The following DNAH8 variants were observed in gnomAD, a reference collection of about 807,000 sequenced individuals.
The protein encoded by DNAH8 is axonemal beta dynein heavy chain 8.
DNAH8 carries 382 observed loss-of-function variants against 562.1 expected under a neutral mutation model. That is an observed-to-expected ratio of 0.68 (90% CI 0.63 to 0.74). DNAH8 has a LOEUF of 0.74. Ranked by LOEUF, DNAH8 falls within the 30% of genes least tolerant of loss-of-function variation. The pLI, the probability that DNAH8 is intolerant of heterozygous loss-of-function variation, is 0.00. For synonymous variants in DNAH8, 1,881 were observed against 1,919.4 expected (o/e 0.98, Z 0.52); for missense variants, 5,203 against 5,620.4 (o/e 0.93, Z 2.37).
chr6:38,842,568 G>A (rs1774900952), intron 34 of DNAH8, 63 bp downstream of exon 34: 2 of 1,580,792 alleles, frequency 1.3e-6, no homozygotes, highest in Non-Finnish European at 1.7e-6. Flanking sequence ...TATTTCAGAA[G>A]CTAATTTATT....
chr6:38,956,131 A>C (rs1364588883), intron 82 of DNAH8, among the ~76,000 whole-genome samples: 1 of 152,142 alleles, frequency 6.6e-6, no homozygotes, highest in East Asian at 1.9e-4. Context: ...TGAGGTCCCA[A>C]CTCAGAGCTA....
chr6:38,980,424 C>G (rs1763950784), intron 85 of DNAH8, among the ~76,000 whole-genome samples: 1 of 152,196 alleles, frequency 6.6e-6, no homozygotes, highest in South Asian at 2.1e-4. Context: ...GCACCTAGGA[C>G]CACACAGTCT....
Position 38,832,380 on chromosome 6 carries a change from A to T in DNAH8, c.4247A>T (p.Glu1416Val), listed in dbSNP as rs759830380. Residue 1416 changes from glutamate to valine, a missense_variant, in exon 31 of 93, where the codon GAG becomes GTG. Glu to Val is a moderately radical substitution (Grantham distance 121). This residue lies in a region of DNAH8 where 2,176 missense variants were observed against 2,365.1 expected (regional missense o/e 0.92). Transcript: ENST00000327475. ...CCAAAGTTTAAAAGCAATCTACTTGAGTCTGTGGAAGTTTTTCGTGAGGAC... is the reference window on the plus strand; with the variant it reads ...CCAAAGTTTAAAAGCAATCTACTTGTGTCTGTGGAAGTTTTTCGTGAGGAC... ...VQPKFKSNLLESVEVFREDVI... is the reference protein window; with the variant it reads ...VQPKFKSNLLVSVEVFREDVI... 3 of 1,613,952 alleles carry T rather than the reference A, an allele frequency of 1.9e-6. No homozygotes were observed. The highest frequency in any genetic ancestry group is 2.5e-6 in the Non-Finnish European group (3 of 1,179,870).
chr6:38,763,192 G>T, intron 11 of DNAH8: 1 of 263,424 alleles, frequency 3.8e-6, no homozygotes, highest in South Asian at 4.2e-5. Context: ...CATACATTTG[G>T]AAACTCAGTT....
Position 38,722,834 on chromosome 6 carries a change from G to C in DNAH8, c.25G>C (p.Ala9Pro), listed in dbSNP as rs1476379780. The part of the protein sequence containing the change: MEKDAEDG[A>P]PSEGAEAPPS... ...GATGGAGAAGGATGCTGAAGATGGC[G>C]CCCCTTCTGAGGGAGCAGAGGCTCC... Residue 9 changes from alanine to proline, a missense_variant, in exon 2 of 93, where the codon GCC becomes CCC. Ala to Pro is a conservative substitution (Grantham distance 27). Around this residue, in one of 6 missense-constraint regions of DNAH8, gnomAD observed 556 missense variants for 496.9 expected, o/e 1.12. Coordinates refer to ENST00000327475, the MANE Select transcript of DNAH8 (RefSeq NM_001206927.2). 5.6e-6 allele frequency: 9 copies of C among 1,597,570 alleles called. No individual in the cohort carries two copies. Among genetic ancestry groups the C allele is most frequent in the Non-Finnish European group, 7.7e-6 (9 of 1,172,652 alleles).
At chr6:38,914,451 A>T (rs1488716950) in intron 67 of DNAH8, among the ~76,000 whole-genome samples, 1 of 114,832 alleles carries the variant, frequency 8.7e-6, no homozygotes, top group Admixed American at 1.3e-4. Context: ...CCCAGGCTGG[A>T]GTGCAGTGGC....
In DNAH8 at chr6:38,872,619, A is replaced by G. The variant is rs1377299867; in HGVS notation, c.7074A>G (p.Leu2358=). The G allele has an allele frequency of 1.2e-6, 2 of 1,614,010 alleles. No individual in the cohort carries two copies. The highest frequency in any genetic ancestry group is 1.7e-6 in the Non-Finnish European group (2 of 1,179,992). Residue 2358 remains leucine (L), a synonymous_variant, in exon 50 of 93, where the codon CTA becomes CTG. Coordinates refer to ENST00000327475, the MANE Select transcript of DNAH8 (RefSeq NM_001206927.2). ...GSGKTTVITI[L]MKAQTECGRP... ...GAAAGACAACCGTTATCACGATTCT[A>G]ATGAAGGCGCAAACAGAATGCGGAA...
intron 9 of DNAH8, among the ~76,000 whole-genome samples, chr6:38,754,926 G>T (rs1451979479): frequency 6.6e-6 from 1 of 151,916 alleles, no homozygotes; most frequent in Non-Finnish European, 1.5e-5. Context: ...CTCCTTGAGG[G>T]TGTTTTTTTT....
In DNAH8 at chr6:38,982,624, C is replaced by G. The variant is rs560051195; in HGVS notation, c.12951+162C>G. Among the ~76,000 whole-genome samples, 3 of 152,278 alleles carry G rather than the reference C, an allele frequency of 2.0e-5. No individual in the cohort carries two copies. The South Asian group carries it at 6.2e-4, about 32-fold the overall frequency. On this transcript the variant is annotated intron_variant, in intron 86 of 92. Transcript: ENST00000327475. ...TCAGGCACTTGCTGGGGCAGCCTGTCCCTGCCCCCAACACTCACATACCTC... is the reference window on the plus strand; with the variant it reads ...TCAGGCACTTGCTGGGGCAGCCTGTGCCTGCCCCCAACACTCACATACCTC...
chr6:38,883,896 G>A lies in DNAH8; in HGVS notation c.8157G>A (p.Val2719=). 6.3e-7 allele frequency: 1 copy of A among 1,587,158 alleles called. No homozygotes were observed. Among genetic ancestry groups the A allele is most frequent in the Non-Finnish European group, 8.6e-7 (1 of 1,165,308 alleles). ...MMFQRTIESY[V]DKRIGSTYGP... ...TCTAGAGAACAATTGAAAGCTACGT[G>A]GATAAGCGAATTGGAAGCACATATG... Residue 2719 remains valine, a synonymous_variant, in exon 56 of 93, where the codon GTG becomes GTA. Coordinates refer to ENST00000327475, the MANE Select transcript of DNAH8 (RefSeq NM_001206927.2).
At chr6:38,929,479 C>A (rs1197951722) in intron 74 of DNAH8, 32 bp from the exon 75 acceptor site, 1 of 1,573,172 alleles carries the variant, frequency 6.4e-7, no homozygotes, top group East Asian at 2.3e-5. Context: ...TTCTTTGTAA[C>A]ACAGATAGAC....
In DNAH8 at chr6:38,946,448, A is replaced by G. The variant is rs531169166; in HGVS notation, c.12129+860A>G. Among the ~76,000 whole-genome samples, 5 of 152,366 alleles carry G rather than the reference A, an allele frequency of 3.3e-5. 1 individual carries two copies. Among genetic ancestry groups the G allele is most frequent in the South Asian group, 4.1e-4 (2 of 4,826 alleles). ...CTCTCTGGGTTCCATCTGTGGATAG[A>G]CAGTGAGCTTTGTTTTGTAGTACAA... On this transcript the variant is annotated intron_variant, in intron 80 of 92. Transcript: ENST00000327475.
chr6:39,008,529 A>C (rs1166761216), intron 88 of DNAH8, among the ~76,000 whole-genome samples: 17 of 152,052 alleles, frequency 1.1e-4, no homozygotes, highest in Non-Finnish European at 8.8e-5. Flanking sequence ...TACAACCAAG[A>C]TGGTGAAGAA....
intron 30 of DNAH8, among the ~76,000 whole-genome samples, chr6:38,829,268 T>C (rs1773626849): frequency 6.6e-6 from 1 of 152,180 alleles, no homozygotes; most frequent in Non-Finnish European, 1.5e-5. Flanking sequence ...TGCAAATGTT[T>C]TCTCTTCTGT....
intron 23 of DNAH8, among the ~76,000 whole-genome samples, chr6:38,806,645 C>T (rs726108): frequency 0.3 from 45,559 of 151,808 alleles, 7,130 homozygotes; most frequent in East Asian, 0.42. Context: ...GCTGCCAGAA[C>T]GGTCTAACAT....
At chr6:39,026,371 C>G (rs773569178) in intron 91 of DNAH8, among the ~76,000 whole-genome samples, 175 bp from the exon 92 acceptor site, 10 of 152,172 alleles carry the variant, frequency 6.6e-5, no homozygotes, top group African/African-American at 2.4e-4. Context: ...CATTGCAGGT[C>G]CCCACAGAAA....
intron 56 of DNAH8, among the ~76,000 whole-genome samples, chr6:38,884,386 G>A (rs374776500): frequency 7.8e-4 from 119 of 152,176 alleles, no homozygotes; most frequent in Non-Finnish European, 1.1e-3. Flanking sequence ...TCCACCTCCC[G>A]GGCTCAAGCA....
chr6:38,885,389 C>G (rs1176980602), intron 56 of DNAH8, among the ~76,000 whole-genome samples: 1 of 152,148 alleles, frequency 6.6e-6, no homozygotes, highest in Non-Finnish European at 1.5e-5. Flanking sequence ...GCGCCACCCA[C>G]CACCAGCTCT....
chr6:38,963,680 CTT>C (rs778971367), intron 82 of DNAH8, among the ~76,000 whole-genome samples: 277 of 60,396 alleles, frequency 4.6e-3, no homozygotes, highest in Middle Eastern at 0.01. Context: ...AAAGTCCATT[CTT>C]TTTTTTTTTT....
Sources: gnomAD v4.1 joint callset for allele counts (sites outside exome capture counted in the v4.1 genomes callset) on GRCh38, gnomAD v4.1.1 for gene constraint, gnomAD v4.1.1 regional missense constraint, MANE v1.5 for transcripts, NCBI Gene and HGNC (gene_info 2026-07-23, HGNC 2026-07-21) for gene names.